The following CDC23 variants were observed in gnomAD, a reference collection of about 807,000 sequenced individuals.
The protein encoded by CDC23 is cell division cycle protein 23 homolog.
Under a neutral mutation model 81.7 loss-of-function variants are expected in CDC23, and 26 were observed. That is an observed-to-expected ratio of 0.32 (90% CI 0.23 to 0.44). CDC23 has a LOEUF of 0.44. Among genes scored for constraint, CDC23 ranks in the 20% least tolerant of loss-of-function variants. CDC23 has a pLI of 1.00. For missense variants in CDC23, 519 were observed against 728.0 expected, an observed-to-expected ratio of 0.71 and a Z score of 3.30; for synonymous variants, 267 against 270.8, an observed-to-expected ratio of 0.99 and a Z score of 0.14.
rs920705332 is a variant in CDC23, at chr5:138,192,435, G to A, written c.1167-47C>T. On this transcript the variant is annotated intron_variant, in intron 10 of 15. Coordinates refer to ENST00000394886, the MANE Select transcript of CDC23 (RefSeq NM_004661.4). ...TTGTTAAGAAGGCAGAATCAAGGTT[G>A]GCAACTTGCAGGCTTAGAGGCTCCT... The A allele has an allele frequency of 2.5e-6, 4 of 1,613,846 alleles. No homozygotes were observed. The South Asian group carries it at 4.4e-5, about 18-fold the overall frequency.
Position 138,213,216 on chromosome 5 carries a change from T to C in CDC23, c.97A>G (p.Lys33Glu). The change falls in exon 1 of 16, where the codon AAA (lysine) becomes GAA (glutamate). Residue 33 changes from lysine (K) to glutamate (E), a missense_variant. Lys to Glu is a moderately conservative substitution (Grantham distance 56). Coordinates refer to ENST00000394886, the MANE Select transcript of CDC23 (RefSeq NM_004661.4). ...NSDFSDLREI[K>E]KQLLLIAGLT... ...CCCGCAATAAGCAGCAGTTGCTTTT[T>C]AATTTCCCGCAAATCTGAGAAATCG... The C allele has an allele frequency of 6.2e-7, 1 of 1,614,168 alleles. No individual in the cohort carries two copies. The highest frequency in any genetic ancestry group is 8.5e-7 in the Non-Finnish European group (1 of 1,180,034).
At position 138,188,220 on chromosome 5, in the gene CDC23, T is replaced by A. The variant is rs1395864807; in HGVS notation, c.*758A>T. 1 of 152,188 alleles carries A rather than the reference T, an allele frequency of 6.6e-6. No homozygotes were observed. The highest frequency in any genetic ancestry group is 1.9e-4 in the East Asian group (1 of 5,196). 9.4% of individuals were successfully genotyped at this position (152,188 alleles called of 1,614,324 possible). On this transcript the variant is annotated 3_prime_UTR_variant, in exon 16 of 16. Transcript: ENST00000394886. ...TAATCACCAATGTTATTTCCAAATG[T>A]CCGTGAAATTATCTATAATCCTATC...
chr5:138,190,266 T>C (rs1561632480), intron 13 of CDC23, among the ~76,000 whole-genome samples: 1 of 151,870 alleles, frequency 6.6e-6, no homozygotes, highest in Admixed American at 6.6e-5. Flanking sequence ...GAGACCAGCA[T>C]GGCCAACAAG....
rs1287824591 is a variant in CDC23, at chr5:138,187,783, C to CAGT, written c.*1192_*1194dup. 1.5e-5 allele frequency: 3 copies of CAGT among 197,556 alleles called. No homozygotes were observed. The Admixed American group carries it at 1.6e-4, about 10-fold the overall frequency. 12.2% of individuals were successfully genotyped at this position (197,556 alleles called of 1,614,324 possible). Reference sequence around the variant, plus strand: ...CTTGAAAAGGCATGGCAGTGGAGACCAGTAACTAGTATACAGCTTGCCTGA... The same window carrying CAGT: ...CTTGAAAAGGCATGGCAGTGGAGACCAGTAGTAACTAGTATACAGCTTGCCTGA... On this transcript the variant is annotated 3_prime_UTR_variant, in exon 16 of 16. Coordinates refer to ENST00000394886, the MANE Select transcript of CDC23 (RefSeq NM_004661.4).
At position 138,188,874 on chromosome 5, in the gene CDC23, A is replaced by C; in HGVS notation, c.*104T>G. 1 of 1,138,046 alleles carries C rather than the reference A, an allele frequency of 8.8e-7. No individual in the cohort carries two copies. Among genetic ancestry groups the C allele is most frequent in the Non-Finnish European group, 1.2e-6 (1 of 813,514 alleles). 70.5% of individuals were successfully genotyped at this position (1,138,046 alleles called of 1,614,324 possible). On this transcript the variant is annotated 3_prime_UTR_variant, in exon 16 of 16. Transcript: ENST00000394886. ...CCTATGGAGCTGTTGCCATCTGTAG[A>C]AACAAGAAGAGCTGAGGTCCTTGGA...
At position 138,213,183 on chromosome 5, in the gene CDC23, G is replaced by A. The variant is rs1187011347; in HGVS notation, c.130C>T (p.Arg44Trp). The A allele has an allele frequency of 4.3e-6, 7 of 1,614,114 alleles. No individual in the cohort carries two copies. The highest frequency in any genetic ancestry group is 5.9e-6 in the Non-Finnish European group (7 of 1,180,022). Residue 44 changes from arginine (R) to tryptophan (W), a missense_variant, in exon 1 of 16, where the codon CGG (arginine) becomes TGG (tryptophan). Physicochemically the swap from Arg to Trp is moderately radical, Grantham distance 101 (BLOSUM62 -3). Around this residue, in one of 4 missense-constraint regions of CDC23, gnomAD observed 126 missense variants for 116.2 expected, o/e 1.08. Coordinates refer to ENST00000394886, the MANE Select transcript of CDC23 (RefSeq NM_004661.4). ...KQLLLIAGLT[R>W]ERGLLHSSKW... Reference sequence around the variant, plus strand: ...CTACTGTGTAGTAGGCCCCGCTCCCGGGTAAGGCCCGCAATAAGCAGCAGT... The same window carrying A: ...CTACTGTGTAGTAGGCCCCGCTCCCAGGTAAGGCCCGCAATAAGCAGCAGT...
intron 8 of CDC23, 24 bp downstream of exon 8, chr5:138,198,402 A>G: frequency 6.2e-7 from 1 of 1,608,576 alleles, no homozygotes; most frequent in Non-Finnish European, 8.5e-7. Flanking sequence ...GCTTAATCAA[A>G]TCCAAGCAAG....
chr5:138,195,797 A>G (rs1256322543), intron 9 of CDC23, among the ~76,000 whole-genome samples: 41 of 128,050 alleles, frequency 3.2e-4, no homozygotes, highest in African/African-American at 1.0e-3. Flanking sequence ...TATTTTATAT[A>G]TGTGTATATA....
At chr5:138,210,144 A>C (rs1755098005) in intron 2 of CDC23, among the ~76,000 whole-genome samples, 1 of 150,048 alleles carries the variant, frequency 6.7e-6, no homozygotes. Flanking sequence ...TGAACCTGGG[A>C]GGTGGAGGTT....
intron 3 of CDC23, among the ~76,000 whole-genome samples, chr5:138,203,558 C>T (rs1755014147): frequency 6.6e-6 from 1 of 152,054 alleles, no homozygotes; most frequent in African/African-American, 2.4e-5. Flanking sequence ...GACATGACAA[C>T]TGATTCTAGA....
At chr5:138,199,741 T>C (rs1011542691) in intron 6 of CDC23, among the ~76,000 whole-genome samples, 6 of 152,182 alleles carry the variant, frequency 3.9e-5, no homozygotes, top group African/African-American at 1.4e-4. Context: ...TTGGGAGAAA[T>C]AATTTAGTAG....
At chr5:138,189,178 A>C in intron 15 of CDC23, 30 bp from the exon 16 acceptor site, 1 of 1,604,728 alleles carries the variant, frequency 6.2e-7, no homozygotes, top group Non-Finnish European at 8.5e-7. Flanking sequence ...ATGTTTCAAA[A>C]CATGTCCAAA....
rs779862353 is a variant in CDC23 at position 138,213,191 on chromosome 5, C to G, written c.122G>C (p.Gly41Ala). ...EIKKQLLLIA[G>A]LTRERGLLHS... The stretch of plus-strand genomic sequence containing the variant: ...TAGTAGGCCCCGCTCCCGGGTAAGG[C>G]CCGCAATAAGCAGCAGTTGCTTTTT... Residue 41 changes from glycine (G) to alanine (A), a missense_variant, in exon 1 of 16, where the codon GGC becomes GCC. By Grantham distance (60) the Gly-to-Ala change is moderately conservative. Coordinates refer to ENST00000394886, the MANE Select transcript of CDC23 (RefSeq NM_004661.4). 1.4e-5 allele frequency: 23 copies of G among 1,614,058 alleles called. No individual in the cohort carries two copies. Among genetic ancestry groups the G allele is most frequent in the Non-Finnish European group, 1.9e-5 (22 of 1,180,048 alleles).
chr5:138,195,846 T>A (rs1327973965), intron 9 of CDC23, among the ~76,000 whole-genome samples: 1 of 134,514 alleles, frequency 7.4e-6, no homozygotes, highest in Non-Finnish European at 1.5e-5. Flanking sequence ...CATATATATA[T>A]AAAATAAAAT....
In CDC23 at chr5:138,206,572, A is replaced by T. The variant is rs1755051838; in HGVS notation, c.347T>A (p.Phe116Tyr). The change falls in exon 3 of 16, where the codon TTT (phenylalanine) becomes TAT (tyrosine). Residue 116 changes from phenylalanine to tyrosine, a missense_variant. Phe to Tyr is a conservative substitution (Grantham distance 22). This residue lies in a region of CDC23 where 180 missense variants were observed against 239.3 expected (regional missense o/e 0.75). Coordinates refer to ENST00000394886, the MANE Select transcript of CDC23 (RefSeq NM_004661.4). The stretch of plus-strand genomic sequence containing the variant: ...CAGATATCTGGAATACATATACAGA[A>T]AATAGGCTTTCTTGCTATTGCAGCC... ...LHGCNSKKAY[F>Y]LYMYSRYLSG... The T allele has an allele frequency of 1.9e-6, 3 of 1,614,188 alleles. No individual in the cohort carries two copies. In the African/African-American group the frequency reaches 4.0e-5, roughly 22 times the overall value.
chr5:138,196,362 C>T (rs1351943062), intron 9 of CDC23, among the ~76,000 whole-genome samples: 5 of 150,740 alleles, frequency 3.3e-5, no homozygotes, highest in Non-Finnish European at 7.4e-5. Flanking sequence ...ATGATCTTGG[C>T]TCACTGCAAC....
At chr5:138,208,831 T>C (rs966406568) in intron 2 of CDC23, among the ~76,000 whole-genome samples, 4 of 152,180 alleles carry the variant, frequency 2.6e-5, no homozygotes, top group African/African-American at 9.7e-5. Context: ...CTCTGTCTCC[T>C]GGGCTGCAGT....
intron 13 of CDC23, among the ~76,000 whole-genome samples, chr5:138,191,052 A>G (rs1486140902): frequency 6.6e-6 from 1 of 152,196 alleles, no homozygotes; most frequent in African/African-American, 2.4e-5. Flanking sequence ...TCTTCAAATC[A>G]ATCTTGATCT....
At chr5:138,202,219 G>T in intron 3 of CDC23, 64 bp from the exon 4 acceptor site, 1 of 1,293,434 alleles carries the variant, frequency 7.7e-7, no homozygotes, top group Non-Finnish European at 1.1e-6. Flanking sequence ...TTTAAAACTA[G>T]CATCCTGATC....
Sources: allele counts gnomAD v4.1 joint callset (sites outside exome capture counted in the v4.1 genomes callset), GRCh38; gene constraint gnomAD v4.1.1; regional missense constraint gnomAD v4.1.1; transcripts MANE v1.5; gene names NCBI Gene and HGNC (gene_info 2026-07-23, HGNC 2026-07-21).